Variants in GALNT18 observed in about 807,000 individuals in gnomAD.
GALNT18 encodes GalNAc-transferase 18.
A neutral mutation model predicts 69.5 loss-of-function variants in GALNT18; 44 were observed. The observed-to-expected ratio is 0.63, with a 90% CI of 0.50 to 0.81. GALNT18 has a LOEUF of 0.81. Ranked by LOEUF, GALNT18 falls within the 40% of genes least tolerant of loss-of-function variation. The pLI is 0.00. For synonymous variants in GALNT18, 364 were observed against 318.2 expected (o/e 1.14, Z -1.53); for missense variants, 715 against 810.0 (o/e 0.88, Z 1.42).
chr11:11,319,125 C>G (rs1360543715), intron 9 of GALNT18, among the ~76,000 whole-genome samples: 1 of 142,348 alleles, frequency 7.0e-6, no homozygotes, highest in Non-Finnish European at 1.5e-5. Flanking sequence ...CCTACAGATA[C>G]TCAGTTCCTC....
At chr11:11,565,463 T>C (rs79265143) in intron 1 of GALNT18, among the ~76,000 whole-genome samples, 2,786 of 152,178 alleles carry the variant, frequency 0.018, 80 homozygotes, top group African/African-American at 0.055. Context: ...CTGCATTAGA[T>C]TGATCTAAGG....
In GALNT18 at chr11:11,382,683, T is replaced by C. The variant is rs1219554242; in HGVS notation, c.596-3419A>G. 2.6e-5 allele frequency among the ~76,000 whole-genome samples: 4 copies of C among 152,252 alleles called. No homozygotes were observed. Among genetic ancestry groups the C allele is most frequent in the Non-Finnish European group, 4.4e-5 (3 of 68,046 alleles). On this transcript the variant is annotated intron_variant, in intron 3 of 10. Coordinates refer to ENST00000227756, the MANE Select transcript of GALNT18 (RefSeq NM_198516.3). The surrounding 1 kb of genome is among the most constrained non-coding windows in gnomAD (Gnocchi z 4.3). ...ATCAGGATTTTTGCTGCCCTATCTT[T>C]GCTAAACCTTTGATTTTCTGGTTCA...
intron 6 of GALNT18, among the ~76,000 whole-genome samples, chr11:11,358,892 T>C (rs1850587363): frequency 7.8e-6 from 1 of 128,326 alleles, no homozygotes; most frequent in Non-Finnish European, 1.7e-5. Flanking sequence ...AGCTCTCGGG[T>C]TATTCTGAAC....
At chr11:11,276,032 T>A (rs1397595620) in intron 10 of GALNT18, among the ~76,000 whole-genome samples, 1 of 152,256 alleles carries the variant, frequency 6.6e-6, no homozygotes, top group African/African-American at 2.4e-5. Context: ...TTTGGTTCCA[T>A]ATGAACTTTA....
intron 3 of GALNT18, 87 bp from the exon 4 acceptor site, chr11:11,379,351 C>A: frequency 1.6e-5 from 21 of 1,326,798 alleles, no homozygotes; most frequent in Non-Finnish European, 2.2e-5. Flanking sequence ...TTAGTGATGA[C>A]CCCCAGAGAA....
chr11:11,464,661 A>G (rs1459419353), intron 1 of GALNT18, among the ~76,000 whole-genome samples: 1 of 152,212 alleles, frequency 6.6e-6, no homozygotes, highest in Non-Finnish European at 1.5e-5. Flanking sequence ...CATTTATTTG[A>G]TTAATATGCA....
chr11:11,421,872 C>T lies in GALNT18; in HGVS notation c.595+10749G>A, dbSNP rs1855014411. On this transcript the variant is annotated intron_variant, in intron 3 of 10. Transcript: ENST00000227756. The surrounding 1 kb of genome is among the most constrained non-coding windows in gnomAD (Gnocchi z 5.6). ...AGGCACTTTGGAGACAGACTCACAC[C>T]AGGATGCATAATTTAGCAAATAGAC... is the stretch of plus-strand genomic sequence containing the variant. Among the ~76,000 whole-genome samples the T allele has an allele frequency of 1.3e-5, 2 of 152,130 alleles. No individual in the cohort carries two copies. Among genetic ancestry groups the T allele is most frequent in the South Asian group, 4.1e-4 (2 of 4,824 alleles).
rs542948801 is a variant in GALNT18, at chr11:11,336,074, A to T, written c.1279-3243T>A. Among the ~76,000 whole-genome samples the T allele has an allele frequency of 1.8e-3, 274 of 152,316 alleles. 1 individual carries two copies. The highest frequency in any genetic ancestry group is 6.5e-3 in the African/African-American group (270 of 41,574). The stretch of plus-strand genomic sequence containing the variant: ...TAGTCACAAAATTCCTTGTAGCCAG[A>T]CTTAAAGGAGGGCTATCACTGAAGC... On this transcript the variant is annotated intron_variant, in intron 7 of 10. Coordinates refer to ENST00000227756, the MANE Select transcript of GALNT18 (RefSeq NM_198516.3).
rs1439754047 is a variant in GALNT18, at chr11:11,272,385, G to A, written c.1678-1095C>T. Among the ~76,000 whole-genome samples the A allele has an allele frequency of 3.3e-5, 5 of 152,130 alleles. No individual in the cohort carries two copies. The South Asian group carries it at 8.3e-4, about 25-fold the overall frequency. ...GGGACAACTGTGTCAGCTCCCTAAT[G>A]GATCTCCCTTCCAACCTCCAGAGGC... On this transcript the variant is annotated intron_variant, in intron 10 of 10. Coordinates refer to ENST00000227756, the MANE Select transcript of GALNT18 (RefSeq NM_198516.3).
rs373910384 is a variant in GALNT18, at chr11:11,315,956, G to A, written c.1512+11130C>T. ...AGTGAGCCTCACAGGGCCAGTCCCC[G>A]CATCACTCTGTACTGACATGAATGG... On this transcript the variant is annotated intron_variant, in intron 9 of 10. Coordinates refer to ENST00000227756, the MANE Select transcript of GALNT18 (RefSeq NM_198516.3). The surrounding 1 kb of genome is among the most constrained non-coding windows in gnomAD (Gnocchi z 5.6). 6.6e-6 allele frequency among the ~76,000 whole-genome samples: 1 copy of A among 151,980 alleles called. No homozygotes were observed.
intron 9 of GALNT18, among the ~76,000 whole-genome samples, chr11:11,317,516 GT>G (rs1377427060): frequency 1.3e-5 from 2 of 152,152 alleles, no homozygotes; most frequent in African/African-American, 4.8e-5. Context: ...TTCATTGTTT[GT>G]TGGCTGCTTG....
rs1485482648 is a variant in GALNT18, at chr11:11,396,231, C to T, written c.596-16967G>A. Among the ~76,000 whole-genome samples, 1 of 152,196 alleles carries T rather than the reference C, an allele frequency of 6.6e-6. No individual in the cohort carries two copies. The highest frequency in any genetic ancestry group is 2.4e-5 in the African/African-American group (1 of 41,442). On this transcript the variant is annotated intron_variant, in intron 3 of 10. Coordinates refer to ENST00000227756, the MANE Select transcript of GALNT18 (RefSeq NM_198516.3). This position sits in a 1 kb window ranked among gnomAD's most constrained non-coding sequence, Gnocchi z 5.2. Reference sequence around the variant, plus strand: ...AAAGAGCAAAGAACTGGCACGACAGCGGCTGGGTCTGTCAGTGGTGTTCGC... The same window carrying T: ...AAAGAGCAAAGAACTGGCACGACAGTGGCTGGGTCTGTCAGTGGTGTTCGC...
At chr11:11,506,188 C>G (rs569712171) in intron 1 of GALNT18, among the ~76,000 whole-genome samples, 1 of 152,346 alleles carries the variant, frequency 6.6e-6, no homozygotes, top group East Asian at 1.9e-4. Flanking sequence ...CTCCAGCATA[C>G]AGCTCCTCTG....
rs1237924508 is a variant in GALNT18 at position 11,546,216 on chromosome 11, A to G, written c.235+75143T>C. 1.3e-5 allele frequency among the ~76,000 whole-genome samples: 2 copies of G among 152,124 alleles called. No individual in the cohort carries two copies. The highest frequency in any genetic ancestry group is 2.1e-4 in the South Asian group (1 of 4,828). On this transcript the variant is annotated intron_variant, in intron 1 of 10. Transcript: ENST00000227756. This position sits in a 1 kb window ranked among gnomAD's most constrained non-coding sequence, Gnocchi z 5.8. ...CCACATCATAGTTGGAAGATAGGGT[A>G]CACAGGGAGGAGACCCAACCATCCC...
rs1716513623 is a variant in GALNT18, at chr11:11,606,562, C to CA, written c.235+14796dup. On this transcript the variant is annotated intron_variant, in intron 1 of 10. Transcript: ENST00000227756. This position sits in a 1 kb window ranked among gnomAD's most constrained non-coding sequence, Gnocchi z 5.4. The stretch of plus-strand genomic sequence containing the variant: ...AGGGGCTGAGAAGAAGCTCTGTTCC[C>CA]AGATACGGAGGCAGCATCACTAGGA... Among the ~76,000 whole-genome samples the CA allele has an allele frequency of 6.6e-6, 1 of 152,144 alleles. No individual in the cohort carries two copies. The highest frequency in any genetic ancestry group is 2.1e-4 in the South Asian group (1 of 4,824).
In GALNT18 at chr11:11,372,679, G is replaced by A. The variant is rs1270560779; in HGVS notation, c.978-50C>T. The A allele has an allele frequency of 1.4e-6, 2 of 1,447,076 alleles. No individual in the cohort carries two copies. Among genetic ancestry groups the A allele is most frequent in the Admixed American group, 1.7e-5 (1 of 59,166 alleles). 89.6% of individuals were successfully genotyped at this position (1,447,076 alleles called of 1,614,324 possible). A position where few individuals can be genotyped will look rare whatever the true frequency, so the allele number is the denominator to read the frequency against. On this transcript the variant is annotated intron_variant, in intron 5 of 10. Coordinates refer to ENST00000227756, the MANE Select transcript of GALNT18 (RefSeq NM_198516.3). This position sits in a 1 kb window ranked among gnomAD's most constrained non-coding sequence, Gnocchi z 4.9. Reference sequence around the variant, plus strand: ...GGGCTGTCTGGTGCAGCTGTCCGAGGAGTAAGAGCAGTAAGGCCTTCCTAT... The same window carrying A: ...GGGCTGTCTGGTGCAGCTGTCCGAGAAGTAAGAGCAGTAAGGCCTTCCTAT...
At chr11:11,549,033 G>A (rs1284989130) in intron 1 of GALNT18, among the ~76,000 whole-genome samples, 1 of 152,224 alleles carries the variant, frequency 6.6e-6, no homozygotes, top group Non-Finnish European at 1.5e-5. Flanking sequence ...GCGTGCCTAT[G>A]TAACTACAGT....
At position 11,562,138 on chromosome 11, in the gene GALNT18, A is replaced by G. The variant is rs1267521300; in HGVS notation, c.235+59221T>C. Among the ~76,000 whole-genome samples the G allele has an allele frequency of 6.6e-6, 1 of 152,238 alleles. No homozygotes were observed. The highest frequency in any genetic ancestry group is 1.5e-5 in the Non-Finnish European group (1 of 68,042). Reference sequence around the variant, plus strand: ...AAGTAGCACAGACTGGGTGCCTTCAACAACAGATATTCATTCTCTCACAGT... The same window carrying G: ...AAGTAGCACAGACTGGGTGCCTTCAGCAACAGATATTCATTCTCTCACAGT... On this transcript the variant is annotated intron_variant, in intron 1 of 10. Transcript: ENST00000227756. This position sits in a 1 kb window ranked among gnomAD's most constrained non-coding sequence, Gnocchi z 4.1.
intron 3 of GALNT18, among the ~76,000 whole-genome samples, chr11:11,422,240 G>A (rs1389427815): frequency 2.0e-5 from 3 of 152,230 alleles, no homozygotes; most frequent in Non-Finnish European, 4.4e-5. Context: ...CACCACCAGA[G>A]GAGATGTAGC....
Sources: gnomAD v4.1 joint callset for allele counts (sites outside exome capture counted in the v4.1 genomes callset) on GRCh38, gnomAD v4.1.1 for gene constraint, Gnocchi (gnomAD v3.1) non-coding constraint, MANE v1.5 for transcripts, NCBI Gene and HGNC (gene_info 2026-07-23, HGNC 2026-07-21) for gene names.